RFX6: variants seen among roughly 807,000 people sequenced by gnomAD.
RFX6 encodes the protein DNA-binding protein RFX6.
A neutral mutation model predicts 110.8 loss-of-function variants in RFX6; 50 were observed. The observed-to-expected ratio is 0.45, with a 90% confidence interval of 0.36 to 0.57. RFX6 has a LOEUF of 0.57. RFX6 is among the 20% of genes least tolerant of loss of function. The pLI, the probability that RFX6 is intolerant of heterozygous loss-of-function variation, is 0.00. For synonymous variants in RFX6, 383 were observed against 411.2 expected (o/e 0.93, Z 0.83); for missense variants, 990 against 1,127.0 (o/e 0.88, Z 1.74).
chr6:116,911,575 A>C (rs373069685), intron 7 of RFX6, among the ~76,000 whole-genome samples: 4 of 152,196 alleles, frequency 2.6e-5, no homozygotes, highest in African/African-American at 9.6e-5. Flanking sequence ...GATTCAGTTT[A>C]TAAATAATTC....
At chr6:116,908,706 A>G (rs999979271) in intron 6 of RFX6, among the ~76,000 whole-genome samples, 1 of 151,878 alleles carries the variant, frequency 6.6e-6, no homozygotes, top group South Asian at 2.1e-4. Context: ...ACACACACAC[A>G]CACACACACA....
chr6:116,920,540 T>C (rs540847797), intron 12 of RFX6, 86 bp downstream of exon 12: 3 of 1,104,582 alleles, frequency 2.7e-6, no homozygotes, highest in Admixed American at 3.4e-5. Context: ...TGGAGGAGCC[T>C]GTCCAGTGTG....
chr6:116,885,394 C>T (rs1014796891), intron 4 of RFX6, among the ~76,000 whole-genome samples: 8 of 152,114 alleles, frequency 5.3e-5, no homozygotes, highest in Admixed American at 4.6e-4. Flanking sequence ...AATATCTGCA[C>T]TACAATTAGA....
chr6:116,929,554 C>T (rs1434909915), intron 18 of RFX6, among the ~76,000 whole-genome samples: 3 of 152,136 alleles, frequency 2.0e-5, no homozygotes, highest in South Asian at 2.1e-4. Flanking sequence ...GTGTGCTTGC[C>T]GTGAAGCCTC....
intron 2 of RFX6, among the ~76,000 whole-genome samples, chr6:116,878,800 C>G (rs932464667): frequency 6.6e-6 from 1 of 151,564 alleles, no homozygotes; most frequent in African/African-American, 2.4e-5. Flanking sequence ...TAGAAAAATA[C>G]AAGATAAAGA....
At chr6:116,928,033 A>G (rs1216568221) in intron 17 of RFX6, among the ~76,000 whole-genome samples, 7 of 151,348 alleles carry the variant, frequency 4.6e-5, no homozygotes, top group African/African-American at 1.7e-4. Context: ...CAAAGGTGTG[A>G]GCCAACACCC....
chr6:116,923,410 C>A (rs918647938), intron 14 of RFX6, 186 bp downstream of exon 14: 2 of 590,700 alleles, frequency 3.4e-6, no homozygotes, highest in Non-Finnish European at 6.1e-6. Flanking sequence ...GGATTAAATC[C>A]TAACAATGAT....
At chr6:116,922,281 G>C in intron 13 of RFX6, 130 bp downstream of exon 13, 2 of 688,800 alleles carry the variant, frequency 2.9e-6, no homozygotes, top group South Asian at 3.1e-5. Context: ...AGCTTTTGAT[G>C]CTCTACGAAT....
intron 6 of RFX6, among the ~76,000 whole-genome samples, chr6:116,908,669 T>TAC (rs753592440): frequency 0.043 from 4,428 of 102,262 alleles, 87 homozygotes; most frequent in East Asian, 0.079. Flanking sequence ...ATTTCTAGCA[T>TAC]ACACACACAC....
At chr6:116,890,545 C>G (rs1774805085) in intron 4 of RFX6, among the ~76,000 whole-genome samples, 1 of 152,118 alleles carries the variant, frequency 6.6e-6, no homozygotes, top group Non-Finnish European at 1.5e-5. Context: ...TGTACTCTTT[C>G]ACTGGTTCTC....
At chr6:116,925,901 G>A (rs1440101390) in intron 16 of RFX6, among the ~76,000 whole-genome samples, 1 of 87,940 alleles carries the variant, frequency 1.1e-5, no homozygotes, top group Non-Finnish European at 2.3e-5. Flanking sequence ...TGAATAATTA[G>A]TTAATTTAGT....
intron 16 of RFX6, among the ~76,000 whole-genome samples, chr6:116,926,690 C>G (rs1209320210): frequency 1.3e-5 from 2 of 152,118 alleles, no homozygotes; most frequent in African/African-American, 4.8e-5. Flanking sequence ...AAAAATCAAA[C>G]AGTTTAACAA....
chr6:116,908,206 G>T (rs1338972535), intron 6 of RFX6, among the ~76,000 whole-genome samples: 2 of 151,956 alleles, frequency 1.3e-5, no homozygotes, highest in African/African-American at 4.8e-5. Flanking sequence ...CTAAGTTCAT[G>T]TGATCAAATT....
At chr6:116,899,344 G>A (rs990253697) in intron 6 of RFX6, among the ~76,000 whole-genome samples, 9 of 152,002 alleles carry the variant, frequency 5.9e-5, no homozygotes, top group African/African-American at 9.7e-5. Context: ...AATATGTTAC[G>A]AGCTTAATCT....
Position 116,877,271 on chromosome 6 carries a change from G to C in RFX6, c.-5G>C. The C allele has an allele frequency of 6.2e-7, 1 of 1,606,032 alleles. No homozygotes were observed. Among genetic ancestry groups the C allele is most frequent in the Non-Finnish European group, 8.5e-7 (1 of 1,176,154 alleles). On this transcript the variant is annotated 5_prime_UTR_variant, in exon 1 of 19. Coordinates refer to ENST00000332958, the MANE Select transcript of RFX6 (RefSeq NM_173560.4). ...CGCGCGCGGAGGTGTCCGGCGGCCA[G>C]GAGGATGGCCAAGGTCCCGGAGCTG...
intron 10 of RFX6, among the ~76,000 whole-genome samples, chr6:116,918,438 T>A (rs1775520273): frequency 6.6e-6 from 1 of 152,046 alleles, no homozygotes; most frequent in African/African-American, 2.4e-5. Flanking sequence ...ATTATTGTAT[T>A]TTATTATTAA....
At position 116,909,735 on chromosome 6, in the gene RFX6, C is replaced by CTTTTTTTTTTTTTTT. The variant is rs59264999; in HGVS notation, c.673-1185_673-1171dup. Among the ~76,000 whole-genome samples, 15 of 67,378 alleles carry CTTTTTTTTTTTTTTT rather than the reference C, an allele frequency of 2.2e-4. 2 individuals carry two copies. Among genetic ancestry groups the CTTTTTTTTTTTTTTT allele is most frequent in the African/African-American group, 9.1e-4 (15 of 16,512 alleles). The allele number at this position is 67,378 out of a possible 152,430, so 44.2% of individuals were successfully genotyped here. On this transcript the variant is annotated intron_variant, in intron 6 of 18. Coordinates refer to ENST00000332958, the MANE Select transcript of RFX6 (RefSeq NM_173560.4). ...TTTTAAATATAAAGCTCATTTAAAT[C>CTTTTTTTTTTTTTTT]TTTTTTTTTTTTTTTTTTTTTTTTT...
intron 6 of RFX6, among the ~76,000 whole-genome samples, chr6:116,908,130 T>TCAACTCCTCATTATCCTCCATTACC: frequency 2.0e-5 from 3 of 152,096 alleles, no homozygotes; most frequent in Non-Finnish European, 4.4e-5. Context: ...TTACCATTAA[T>TCAACTCCTCATTATCCTCCATTACC]CAACTCCTCA....
At chr6:116,898,156 A>G (rs1230449817) in intron 6 of RFX6, among the ~76,000 whole-genome samples, 1 of 152,162 alleles carries the variant, frequency 6.6e-6, no homozygotes, top group East Asian at 1.9e-4. Context: ...TCATCAAGAT[A>G]AGGAGTGGAA....
Sources: allele counts gnomAD v4.1 joint callset (sites outside exome capture counted in the v4.1 genomes callset), GRCh38; gene constraint gnomAD v4.1.1; transcripts MANE v1.5; gene names NCBI Gene and HGNC (gene_info 2026-07-23, HGNC 2026-07-21).